Variants in CCR6 observed in about 807,000 individuals in gnomAD.
The protein encoded by CCR6 is C-C chemokine receptor type 6.
Under a neutral mutation model 3.0 loss-of-function variants are expected in CCR6, and 2 were observed. That is an observed-to-expected ratio of 0.66 (90% CI 0.27 to 2.07). CCR6 has a LOEUF of 2.07. Among genes scored for constraint, CCR6 ranks in the 30% most tolerant of loss-of-function variants. The pLI is 0.14. For missense variants in CCR6, 322 were observed against 462.8 expected, an observed-to-expected ratio of 0.70 and a Z score of 2.79; for synonymous variants, 193 against 184.3, an observed-to-expected ratio of 1.05 and a Z score of -0.38.
intron 1 of CCR6, 80 bp downstream of exon 1, chr6:167,123,303 G>C (rs972691355): frequency 5.9e-5 from 9 of 152,738 alleles, no homozygotes; most frequent in Non-Finnish European, 1.0e-4. Flanking sequence ...GAATGGGACT[G>C]TTTTACTCAT....
chr6:167,113,295 G>C (rs149763727), intron 1 of CCR6, among the ~76,000 whole-genome samples: 2 of 152,070 alleles, frequency 1.3e-5, no homozygotes, highest in Non-Finnish European at 2.9e-5. Context: ...GATAAGGGGG[G>C]GCTGTTTGGT....
At chr6:167,128,290 CA>C (rs1339261314) in intron 1 of CCR6, among the ~76,000 whole-genome samples, 1 of 152,260 alleles carries the variant, frequency 6.6e-6, no homozygotes. Context: ...CCGCTAACCA[CA>C]AGCGTGACAT....
chr6:167,117,707 G>A lies in CCR6; in HGVS notation c.-98+5693G>A, dbSNP rs187025799. On this transcript the variant is annotated intron_variant, in intron 1 of 2. Transcript: ENST00000400926. Reference sequence around the variant, plus strand: ...TGGGATTACAGGCGTGAGCCACCGCGCCCGGCCTCTATTTTCTTTTTTGAG... The same window carrying A: ...TGGGATTACAGGCGTGAGCCACCGCACCCGGCCTCTATTTTCTTTTTTGAG... Among the ~76,000 whole-genome samples the A allele has an allele frequency of 5.3e-4, 80 of 152,026 alleles. 1 individual carries two copies. The highest frequency in any genetic ancestry group is 1.7e-3 in the African/African-American group (69 of 41,406).
At chr6:167,120,979 T>C (rs969464212), upstream of CCR6, 1 of 152,262 alleles carries the variant, frequency 6.6e-6, no homozygotes, top group African/African-American at 2.4e-5. Flanking sequence ...TGAGAAACAT[T>C]GCAGAGGTCA....
intron 1 of CCR6, among the ~76,000 whole-genome samples, chr6:167,113,588 G>A (rs764780261): frequency 6.6e-6 from 1 of 152,206 alleles, no homozygotes; most frequent in Non-Finnish European, 1.5e-5. Flanking sequence ...CCACGAATGG[G>A]GCCCAGGCAG....
At chr6:167,118,932 CAGG>C (rs995227123), upstream of CCR6, among the ~76,000 whole-genome samples, 43 of 152,288 alleles carry the variant, frequency 2.8e-4, no homozygotes, top group African/African-American at 1.0e-3. Context: ...GGGCTGCCGC[CAGG>C]AGGAGGGTGC....
intron 1 of CCR6, chr6:167,116,991 CG>C (rs958768093): frequency 2.5e-4 from 38 of 152,288 alleles, no homozygotes; most frequent in African/African-American, 8.9e-4. Context: ...TCCCCTCCCG[CG>C]GTGGGTGGAG....
chr6:167,120,078 C>T (rs1282428723), upstream of CCR6, among the ~76,000 whole-genome samples: 1 of 152,184 alleles, frequency 6.6e-6, no homozygotes, highest in Non-Finnish European at 1.5e-5. Flanking sequence ...TTATCTACCA[C>T]CTTGAGTCAT....
chr6:167,124,406 C>A lies in CCR6; in HGVS notation c.-98+1183C>A, dbSNP rs567273125. Reference sequence around the variant, plus strand: ...AAGCCAGCCTAGAGTTTCAGCTCCACTGATGCTTATCTAAAAAGGTATAAA... The same window carrying A: ...AAGCCAGCCTAGAGTTTCAGCTCCAATGATGCTTATCTAAAAAGGTATAAA... On this transcript the variant is annotated intron_variant, in intron 1 of 2. Coordinates refer to ENST00000341935, the MANE Select transcript of CCR6 (RefSeq NM_031409.4). Among the ~76,000 whole-genome samples the A allele has an allele frequency of 2.6e-5, 4 of 152,226 alleles. No individual in the cohort carries two copies. In the East Asian group the frequency reaches 5.8e-4, roughly 22 times the overall value.
chr6:167,117,949 T>G (rs1298159299), upstream of CCR6, among the ~76,000 whole-genome samples: 7 of 106,190 alleles, frequency 6.6e-5, no homozygotes, highest in Non-Finnish European at 1.2e-4. Context: ...TTTCTGTTTT[T>G]TTTTTTTTTT....
chr6:167,118,381 C>T (rs1023098916), upstream of CCR6, among the ~76,000 whole-genome samples: 3 of 152,162 alleles, frequency 2.0e-5, no homozygotes, highest in African/African-American at 7.2e-5. Context: ...AGTCTAAAGT[C>T]ATGTCAAGAA....
At chr6:167,125,678 C>A (rs1418772187) in intron 1 of CCR6, among the ~76,000 whole-genome samples, 1 of 152,182 alleles carries the variant, frequency 6.6e-6, no homozygotes, top group Non-Finnish European at 1.5e-5. Context: ...GTGAGGGCAG[C>A]CCCTCCCTCT....
intron 1 of CCR6, 28 bp downstream of exon 1, chr6:167,123,251 T>C (rs1017781973): frequency 2.6e-5 from 4 of 152,812 alleles, no homozygotes; most frequent in African/African-American, 7.2e-5. Context: ...CCTGAGACTT[T>C]TCTTTCAAAA....
Position 167,136,166 on chromosome 6 carries a change from G to C in CCR6, c.9+23G>C, listed in dbSNP as rs1562561349. Reference sequence around the variant, plus strand: ...GGGGTAAGATTTTTATTTTTGGCAAGGGGTATAATTTGGGTTCACTGTGGC... The same window carrying C: ...GGGGTAAGATTTTTATTTTTGGCAACGGGTATAATTTGGGTTCACTGTGGC... On this transcript the variant is annotated intron_variant, in intron 2 of 2. Transcript: ENST00000341935. This position sits in a 1 kb window ranked among gnomAD's most constrained non-coding sequence, Gnocchi z 4.6. The C allele has an allele frequency of 6.2e-7, 1 of 1,613,418 alleles. No individual in the cohort carries two copies. The highest frequency in any genetic ancestry group is 8.5e-7 in the Non-Finnish European group (1 of 1,179,834).
intron 1 of CCR6, among the ~76,000 whole-genome samples, chr6:167,130,976 A>AC (rs200195190): frequency 4.1e-5 from 5 of 120,678 alleles, no homozygotes; most frequent in Non-Finnish European, 6.6e-5. Flanking sequence ...CTCTGGGACC[A>AC]CCCTCCCTCT....
intron 1 of CCR6, among the ~76,000 whole-genome samples, chr6:167,133,408 G>T (rs1219737950): frequency 4.6e-5 from 7 of 152,106 alleles, no homozygotes. Context: ...AAATCAGTCC[G>T]CCATCTATAT....
intron 1 of CCR6, among the ~76,000 whole-genome samples, chr6:167,134,142 T>A (rs776811965): frequency 2.2e-4 from 33 of 151,944 alleles, no homozygotes; most frequent in Admixed American, 2.2e-3. Flanking sequence ...TGATGCCTAG[T>A]GCCGAGGTCT....
chr6:167,121,090 C>T (rs1443139219), upstream of CCR6: 1 of 152,280 alleles, frequency 6.6e-6, no homozygotes, highest in African/African-American at 2.4e-5. Flanking sequence ...CACTACCTTC[C>T]CCTCTGGGGC....
In CCR6 at chr6:167,136,288, G is replaced by A. The variant is rs1304900233; in HGVS notation, c.58G>A (p.Val20Met). Residue 20 changes from valine to methionine, a missense_variant, in exon 3 of 3, where the codon GTG becomes ATG. Transcript: ENST00000341935. The surrounding 1 kb of genome is among the most constrained non-coding windows in gnomAD (Gnocchi z 4.6). The part of the protein sequence containing the change: ...DVFDSSEDYF[V>M]SVNTSYYSVD... ...TTTCGACTCCAGTGAAGATTATTTT[G>A]TGTCAGTCAATACTTCATATTACTC... The A allele has an allele frequency of 1.2e-5, 19 of 1,609,654 alleles. No homozygotes were observed. The highest frequency in any genetic ancestry group is 1.6e-5 in the Non-Finnish European group (19 of 1,178,462).
Sources: allele counts gnomAD v4.1 joint callset (sites outside exome capture counted in the v4.1 genomes callset), GRCh38; gene constraint gnomAD v4.1.1; non-coding constraint Gnocchi (gnomAD v3.1); transcripts MANE v1.5; gene names NCBI Gene and HGNC (gene_info 2026-07-23, HGNC 2026-07-21).